KCNQ5: variants seen among roughly 807,000 people sequenced by gnomAD.
The protein encoded by KCNQ5 is potassium voltage-gated channel subfamily Q member 5, also known as potassium voltage-gated channel subfamily KQT member 5.
In KCNQ5, 30 loss-of-function variants were observed where a neutral mutation model predicts 98.2. The ratio of observed to expected loss-of-function variants is 0.31; its 90% CI spans 0.23 to 0.41. KCNQ5 has a LOEUF of 0.41. KCNQ5 is among the 10% of genes least tolerant of loss of function. The pLI is 1.00. For missense variants in KCNQ5, 835 were observed against 1,182.5 expected (o/e 0.71, Z 4.31); for synonymous variants, 458 against 449.4 (o/e 1.02, Z -0.24).
chr6:72,961,367 A>G (rs1357208951), intron 1 of KCNQ5, among the ~76,000 whole-genome samples: 1 of 152,194 alleles, frequency 6.6e-6, no homozygotes, highest in Non-Finnish European at 1.5e-5. Context: ...CTGTAATCCC[A>G]GCACTTTGGG....
chr6:72,904,325 A>C (rs1171444365), intron 1 of KCNQ5, among the ~76,000 whole-genome samples: 3 of 152,218 alleles, frequency 2.0e-5, no homozygotes, highest in African/African-American at 7.2e-5. Context: ...TGTATCTTTT[A>C]AGTGGAGCAT....
chr6:72,826,782 T>C (rs1776020361), intron 1 of KCNQ5, among the ~76,000 whole-genome samples: 1 of 152,146 alleles, frequency 6.6e-6, no homozygotes, highest in African/African-American at 2.4e-5. Flanking sequence ...TTGTTAACTG[T>C]AGTCCTTCCA....
At chr6:73,166,939 C>A (rs1403217418) in intron 10 of KCNQ5, among the ~76,000 whole-genome samples, 1 of 152,142 alleles carries the variant, frequency 6.6e-6, no homozygotes, top group African/African-American at 2.4e-5. Flanking sequence ...TCATTTTGAA[C>A]CTTACATAAT....
At chr6:73,125,583 T>C (rs762860473) in intron 9 of KCNQ5, 34 of 268,606 alleles carry the variant, frequency 1.3e-4, no homozygotes, top group Non-Finnish European at 2.3e-4. Flanking sequence ...AGTACTATTA[T>C]AATAATTATA....
At chr6:72,899,761 T>C (rs1372242542) in intron 1 of KCNQ5, among the ~76,000 whole-genome samples, 1 of 152,106 alleles carries the variant, frequency 6.6e-6, no homozygotes, top group African/African-American at 2.4e-5. Flanking sequence ...CAGAGCAGTA[T>C]ACACTTCACC....
chr6:72,841,489 G>A (rs1347052767), intron 1 of KCNQ5, among the ~76,000 whole-genome samples: 2 of 151,900 alleles, frequency 1.3e-5, no homozygotes, highest in African/African-American at 2.4e-5. Context: ...GGATAATTTA[G>A]AAAATAAATT....
intron 10 of KCNQ5, among the ~76,000 whole-genome samples, chr6:73,156,273 AAT>A (rs1250320947): frequency 5.9e-5 from 9 of 152,262 alleles, no homozygotes; most frequent in African/African-American, 2.2e-4. Flanking sequence ...TAGCCATTTT[AAT>A]ATGTGTTCCC....
intron 1 of KCNQ5, among the ~76,000 whole-genome samples, chr6:72,720,280 G>A (rs1035231435): frequency 2.0e-5 from 3 of 152,150 alleles, no homozygotes; most frequent in Admixed American, 2.0e-4. Context: ...GGATACTCAG[G>A]TATTACAATG....
At chr6:72,727,267 G>A (rs762629255) in intron 1 of KCNQ5, among the ~76,000 whole-genome samples, 1 of 152,228 alleles carries the variant, frequency 6.6e-6, no homozygotes, top group Non-Finnish European at 1.5e-5. Context: ...TCCTGGGCTA[G>A]AGATTCCTAC....
chr6:73,055,078 A>G (rs1772410780), intron 3 of KCNQ5: 1 of 683,280 alleles, frequency 1.5e-6, no homozygotes, highest in African/African-American at 1.8e-5. Context: ...CAAGAATGCT[A>G]TCCCCCAAGC....
At chr6:73,159,213 G>A (rs2150491466) in intron 10 of KCNQ5, among the ~76,000 whole-genome samples, 1 of 152,278 alleles carries the variant, frequency 6.6e-6, no homozygotes. Flanking sequence ...AAATGGAGCT[G>A]GAGGCCATTA....
intron 5 of KCNQ5, among the ~76,000 whole-genome samples, chr6:73,096,606 C>A (rs1310141465): frequency 6.6e-6 from 1 of 152,144 alleles, no homozygotes; most frequent in Non-Finnish European, 1.5e-5. Flanking sequence ...CTTTACTAAT[C>A]CTTTACTTTT....
At chr6:72,955,992 G>C (rs1412580090) in intron 1 of KCNQ5, among the ~76,000 whole-genome samples, 5 of 151,958 alleles carry the variant, frequency 3.3e-5, no homozygotes, top group Admixed American at 3.3e-4. Flanking sequence ...AATATCCCAG[G>C]TACTAAATCA....
chr6:72,728,535 G>T (rs1770399738), intron 1 of KCNQ5, among the ~76,000 whole-genome samples: 2 of 152,138 alleles, frequency 1.3e-5, no homozygotes, highest in South Asian at 2.1e-4. Context: ...CATTCAAAAA[G>T]GGGGACAATG....
chr6:73,052,427 C>T (rs530841578), intron 3 of KCNQ5, among the ~76,000 whole-genome samples: 110 of 152,284 alleles, frequency 7.2e-4, no homozygotes, highest in Non-Finnish European at 1.0e-3. Context: ...ATCCCCAAGA[C>T]ACATACTTGT....
Position 73,194,839 on chromosome 6 carries a change from C to A in KCNQ5, c.2224C>A (p.Pro742Thr). 5 of 1,614,158 alleles carry A rather than the reference C, an allele frequency of 3.1e-6. No homozygotes were observed. Among genetic ancestry groups the A allele is most frequent in the South Asian group, 1.1e-5 (1 of 91,078 alleles). Residue 742 changes from proline (P) to threonine (T), a missense_variant, in exon 14 of 14, where the codon CCA (proline) becomes ACA (threonine). This residue lies in a region of KCNQ5 where 416 missense variants were observed against 446.9 expected (regional missense o/e 0.93). Transcript: ENST00000370398. ...AAACCAAATAAATACGGCACCCAAG[C>A]CAGCAGCCCCAACAACTTTACAGAT... is the stretch of plus-strand genomic sequence containing the variant. ...IANQINTAPK[P>T]AAPTTLQIPP... is the part of the protein sequence containing the mutation.
At chr6:72,878,145 C>T (rs1170430062) in intron 1 of KCNQ5, among the ~76,000 whole-genome samples, 1 of 152,212 alleles carries the variant, frequency 6.6e-6, no homozygotes, top group African/African-American at 2.4e-5. Flanking sequence ...TGGCATATGC[C>T]TGTAATCCCA....
At chr6:72,865,910 A>T (rs1213866974) in intron 1 of KCNQ5, among the ~76,000 whole-genome samples, 1 of 152,220 alleles carries the variant, frequency 6.6e-6, no homozygotes, top group Admixed American at 6.5e-5. Flanking sequence ...TCTAAACCTT[A>T]TAAGCACTTC....
At chr6:72,974,913 T>C (rs1768089534) in intron 1 of KCNQ5, among the ~76,000 whole-genome samples, 1 of 151,968 alleles carries the variant, frequency 6.6e-6, no homozygotes, top group African/African-American at 2.4e-5. Context: ...ATTTTTTGTA[T>C]TTTAGTAGAG....
Sources: allele counts gnomAD v4.1 joint callset (sites outside exome capture counted in the v4.1 genomes callset), GRCh38; gene constraint gnomAD v4.1.1; regional missense constraint gnomAD v4.1.1; transcripts MANE v1.5; gene names NCBI Gene and HGNC (gene_info 2026-07-23, HGNC 2026-07-21).